Variants in RIMS1 observed in about 807,000 individuals in gnomAD.
The protein encoded by RIMS1 is regulating synaptic membrane exocytosis protein 1.
A neutral mutation model predicts 214.1 loss-of-function variants in RIMS1; 83 were observed. The observed-to-expected ratio is 0.39, with a 90% confidence interval of 0.32 to 0.47. The LOEUF is 0.47. Ranked by LOEUF, RIMS1 falls within the 20% of genes least tolerant of loss-of-function variation. RIMS1 has a pLI of 0.99. For missense variants in RIMS1, 2,050 were observed against 2,161.8 expected (o/e 0.95, Z 1.03); for synonymous variants, 793 against 786.8 (o/e 1.01, Z -0.13).
rs578166375 is a variant in RIMS1 at position 72,007,274 on chromosome 6, G to A, written c.245+38211G>A. Among the ~76,000 whole-genome samples the A allele has an allele frequency of 3.9e-5, 6 of 152,296 alleles. No individual in the cohort carries two copies. In the South Asian group the frequency reaches 1.2e-3, roughly 32 times the overall value. On this transcript the variant is annotated intron_variant, in intron 2 of 33. Transcript: ENST00000521978. ...CTGCACCTGAGGGTTCTGACTGTTA[G>A]AAGGAAAACTAAAAAACAGAAAGGA...
chr6:71,933,666 A>G lies in RIMS1; in HGVS notation c.165-35317A>G, dbSNP rs539284827. ...CCCTACTTCCCTCATATAAATGTCT[A>G]TCAGCTCTTCCTCAATCACACACAC... On this transcript the variant is annotated intron_variant, in intron 1 of 33. Transcript: ENST00000521978. Among the ~76,000 whole-genome samples, 258 of 144,104 alleles carry G rather than the reference A, an allele frequency of 1.8e-3. 1 individual carries two copies. Among genetic ancestry groups the G allele is most frequent in the Non-Finnish European group, 3.2e-3 (212 of 66,346 alleles). 94.5% of individuals were successfully genotyped at this position (144,104 alleles called of 152,430 possible).
At chr6:72,048,287 T>G (rs1320060287) in intron 2 of RIMS1, among the ~76,000 whole-genome samples, 1 of 152,152 alleles carries the variant, frequency 6.6e-6, no homozygotes, top group African/African-American at 2.4e-5. Flanking sequence ...ATTTAAAAAT[T>G]ATCAGCTTCA....
chr6:72,364,392 G>C (rs1000640955), intron 29 of RIMS1, among the ~76,000 whole-genome samples: 2 of 152,138 alleles, frequency 1.3e-5, no homozygotes, highest in Non-Finnish European at 2.9e-5. Flanking sequence ...AGTATCTGAA[G>C]GAGGCTGTAC....
At chr6:72,120,340 G>T (rs1288535577) in intron 4 of RIMS1, among the ~76,000 whole-genome samples, 18 of 151,702 alleles carry the variant, frequency 1.2e-4, no homozygotes, top group Non-Finnish European at 2.2e-4. Flanking sequence ...TTTAATGATT[G>T]CCATTCTAAC....
At chr6:71,985,810 A>G (rs1262045798) in intron 2 of RIMS1, among the ~76,000 whole-genome samples, 1 of 152,128 alleles carries the variant, frequency 6.6e-6, no homozygotes, top group African/African-American at 2.4e-5. Context: ...GCCCCTCGCT[A>G]TGTCTGAGAC....
At chr6:72,115,821 T>A (rs935444493) in intron 4 of RIMS1, among the ~76,000 whole-genome samples, 1 of 151,916 alleles carries the variant, frequency 6.6e-6, no homozygotes, top group African/African-American at 2.4e-5. Flanking sequence ...ATTAAGATGC[T>A]TTCATTTGAA....
chr6:72,267,508 A>G (rs943945646), intron 22 of RIMS1, among the ~76,000 whole-genome samples: 1 of 152,186 alleles, frequency 6.6e-6, no homozygotes, highest in Admixed American at 6.6e-5. Context: ...TATTCAAAAT[A>G]TAATTTTCAC....
intron 26 of RIMS1, among the ~76,000 whole-genome samples, chr6:72,301,176 A>G (rs1217865602): frequency 6.6e-6 from 1 of 151,708 alleles, no homozygotes; most frequent in Non-Finnish European, 1.5e-5. Context: ...TTAACATCCA[A>G]GAGAAAAGGA....
chr6:72,236,796 A>C (rs1286235772), intron 8 of RIMS1, among the ~76,000 whole-genome samples: 1 of 151,948 alleles, frequency 6.6e-6, no homozygotes, highest in East Asian at 1.9e-4. Context: ...AAAAAAAAAA[A>C]AAAAAGCAAT....
chr6:72,320,725 A>G (rs929215384), intron 28 of RIMS1, among the ~76,000 whole-genome samples: 13 of 151,734 alleles, frequency 8.6e-5, no homozygotes, highest in Admixed American at 7.2e-4. Flanking sequence ...ATAAATACTT[A>G]TTATTGTTTT....
intron 6 of RIMS1, among the ~76,000 whole-genome samples, chr6:72,186,036 G>A (rs1450136190): frequency 6.6e-6 from 1 of 152,182 alleles, no homozygotes; most frequent in Non-Finnish European, 1.5e-5. Context: ...TGTGAGAATA[G>A]AGTATATGAT....
chr6:72,178,708 C>T (rs1239309378), intron 4 of RIMS1, among the ~76,000 whole-genome samples: 2 of 152,198 alleles, frequency 1.3e-5, no homozygotes, highest in Non-Finnish European at 2.9e-5. Flanking sequence ...TATCTTTGCC[C>T]TGTGACAGCT....
intron 19 of RIMS1, 112 bp downstream of exon 19, chr6:72,260,879 C>T: frequency 6.5e-7 from 1 of 1,533,530 alleles, no homozygotes; most frequent in South Asian, 1.2e-5. Flanking sequence ...AATAAATTTC[C>T]CAAGTATTTG....
intron 11 of RIMS1, among the ~76,000 whole-genome samples, chr6:72,247,214 C>T (rs946000265): frequency 6.6e-6 from 1 of 152,044 alleles, no homozygotes; most frequent in Non-Finnish European, 1.5e-5. Context: ...GAAGTTGAAA[C>T]AAATCACTAG....
At chr6:72,319,807 C>T (rs189684270) in intron 28 of RIMS1, among the ~76,000 whole-genome samples, 6 of 151,742 alleles carry the variant, frequency 4.0e-5, no homozygotes, top group Non-Finnish European at 8.8e-5. Flanking sequence ...GATTTTCATA[C>T]AAGTGTAATA....
At chr6:71,888,145 C>T (rs1036757631) in intron 1 of RIMS1, among the ~76,000 whole-genome samples, 3 of 152,172 alleles carry the variant, frequency 2.0e-5, no homozygotes, top group Non-Finnish European at 4.4e-5. Context: ...CTGCTTGCCT[C>T]AGACAAAACT....
At position 72,166,001 on chromosome 6, in the gene RIMS1, A is replaced by G. The variant is rs546144074; in HGVS notation, c.472-13574A>G. Among the ~76,000 whole-genome samples, 20 of 152,320 alleles carry G rather than the reference A, an allele frequency of 1.3e-4. No homozygotes were observed. In the East Asian group the frequency reaches 3.9e-3, roughly 29 times the overall value. Reference sequence around the variant, plus strand: ...TTAATATGTTTGGGTTTCCATAACAAAATACCATAAGCTGGGTAGCTTAAA... The same window carrying G: ...TTAATATGTTTGGGTTTCCATAACAGAATACCATAAGCTGGGTAGCTTAAA... On this transcript the variant is annotated intron_variant, in intron 4 of 33. Transcript: ENST00000521978.
In RIMS1 at chr6:71,968,976, G is replaced by A. The variant is rs759602264; in HGVS notation, c.165-7G>A. On this transcript the variant is annotated splice_region_variant and splice_polypyrimidine_tract_variant and intron_variant, in intron 1 of 33. Coordinates refer to ENST00000521978, the MANE Select transcript of RIMS1 (RefSeq NM_014989.7). ...TAGTGCGTTGTGCTGTCTATCATGC[G>A]CCCCAGGTGTGTTGTCAGGGACATG... The A allele has an allele frequency of 6.7e-5, 108 of 1,613,238 alleles. No homozygotes were observed. Among genetic ancestry groups the A allele is most frequent in the Non-Finnish European group, 8.4e-5 (99 of 1,179,426 alleles).
intron 1 of RIMS1, 78 bp downstream of exon 1, chr6:71,887,265 C>A (rs1161754422): frequency 9.2e-6 from 14 of 1,525,850 alleles, no homozygotes; most frequent in Non-Finnish European, 1.2e-5. Context: ...CTAGTCCTCG[C>A]GGCTGAGTGT....
Sources: allele counts gnomAD v4.1 joint callset (sites outside exome capture counted in the v4.1 genomes callset), GRCh38; gene constraint gnomAD v4.1.1; transcripts MANE v1.5; gene names NCBI Gene and HGNC (gene_info 2026-07-23, HGNC 2026-07-21).